Variants in FRK observed in about 807,000 individuals in gnomAD.
FRK encodes the protein fyn related Src family tyrosine kinase.
FRK carries 51 observed loss-of-function variants against 56.4 expected under a neutral mutation model. The observed-to-expected ratio is 0.90, with a 90% CI of 0.72 to 1.14. FRK has a LOEUF of 1.14. Ranked by LOEUF, FRK falls within the 50% of genes most tolerant of loss-of-function variation. The probability of loss-of-function intolerance (pLI) is 0.00; values close to 1 mark genes in which losing one functional copy is unlikely to be tolerated. For missense variants in FRK, 570 were observed against 601.4 expected (o/e 0.95, Z 0.55); for synonymous variants, 245 against 217.9 (o/e 1.12, Z -1.10).
chr6:115,958,647 AG>A (rs1484316838), intron 4 of FRK, among the ~76,000 whole-genome samples: 50 of 2,046 alleles, frequency 0.024, no homozygotes, highest in African/African-American at 0.078. Flanking sequence ...AAGAAAGAAA[AG>A]AAAGAAAGAA....
the FRK span, among the ~76,000 whole-genome samples, chr6:116,087,997 C>T: frequency 2.4e-4 from 37 of 152,304 alleles, no homozygotes; most frequent in African/African-American, 8.9e-4. Flanking sequence ...AGTGGATAAC[C>T]CTCAATCATG....
upstream of FRK, among the ~76,000 whole-genome samples, chr6:116,064,793 A>G (rs1371164211): frequency 1.3e-5 from 2 of 152,180 alleles, no homozygotes; most frequent in Non-Finnish European, 2.9e-5. Context: ...CTTGGAAGAT[A>G]TGACTTGGAA....
chr6:115,978,717 C>T (rs1054266528), intron 2 of FRK, among the ~76,000 whole-genome samples: 3 of 152,082 alleles, frequency 2.0e-5, no homozygotes, highest in Non-Finnish European at 4.4e-5. Flanking sequence ...CATTGTGCTA[C>T]CACTTGTAGC....
At chr6:116,048,664 G>A (rs1364011456) in intron 1 of FRK, among the ~76,000 whole-genome samples, 2 of 152,108 alleles carry the variant, frequency 1.3e-5, no homozygotes, top group Non-Finnish European at 2.9e-5. Flanking sequence ...GGGATCACAG[G>A]CATGAGCCAC....
intron 1 of FRK, among the ~76,000 whole-genome samples, chr6:116,050,305 A>G (rs1248126028): frequency 6.6e-6 from 1 of 152,204 alleles, no homozygotes; most frequent in Non-Finnish European, 1.5e-5. Context: ...ATCCTAAAAA[A>G]TGACCAAACA....
At chr6:116,081,483 C>A in the FRK span, among the ~76,000 whole-genome samples, 1 of 151,960 alleles carries the variant, frequency 6.6e-6, no homozygotes, top group Non-Finnish European at 1.5e-5. Flanking sequence ...ATGGTGAAAA[C>A]CCTGTCTCTA....
At chr6:116,025,618 T>C (rs1776058231) in intron 1 of FRK, among the ~76,000 whole-genome samples, 2 of 152,182 alleles carry the variant, frequency 1.3e-5, no homozygotes, top group Admixed American at 6.6e-5. Flanking sequence ...TCTTGTCATT[T>C]TGACCTTTTA....
upstream of FRK, among the ~76,000 whole-genome samples, chr6:116,062,448 C>T (rs772656652): frequency 3.5e-5 from 5 of 143,852 alleles, no homozygotes; most frequent in Non-Finnish European, 7.5e-5. Context: ...GAGACATCTA[C>T]ATGATCTAAA....
At chr6:115,955,868 C>T (rs1279190528) in intron 5 of FRK, among the ~76,000 whole-genome samples, 1 of 152,128 alleles carries the variant, frequency 6.6e-6, no homozygotes, top group African/African-American at 2.4e-5. Context: ...TAATAAACAT[C>T]AAAATTTCAT....
intron 1 of FRK, among the ~76,000 whole-genome samples, chr6:116,016,186 G>C (rs1028071348): frequency 2.6e-5 from 4 of 152,128 alleles, no homozygotes; most frequent in Non-Finnish European, 5.9e-5. Flanking sequence ...CTGGGTACAG[G>C]GTCCTGCTGC....
At chr6:116,056,015 T>C (rs763684925) in intron 1 of FRK, among the ~76,000 whole-genome samples, 3 of 152,136 alleles carry the variant, frequency 2.0e-5, no homozygotes, top group Non-Finnish European at 4.4e-5. Flanking sequence ...CGTGGTCAAG[T>C]TGGCGAAGCA....
chr6:116,086,373 C>G, the FRK span, among the ~76,000 whole-genome samples: 24 of 152,098 alleles, frequency 1.6e-4, no homozygotes, highest in African/African-American at 5.8e-4. Context: ...AACCTAAGTT[C>G]CTAAAATAAG....
chr6:116,087,828 C>T, the FRK span, among the ~76,000 whole-genome samples: 1 of 152,234 alleles, frequency 6.6e-6, no homozygotes, highest in Non-Finnish European at 1.5e-5. Context: ...TTGATTTCAA[C>T]CACAGCTCAT....
chr6:115,951,244 A>C (rs1483814255), intron 5 of FRK, among the ~76,000 whole-genome samples: 1 of 152,196 alleles, frequency 6.6e-6, no homozygotes, highest in Admixed American at 6.5e-5. Context: ...GCCTGTCACA[A>C]GGTACTACAG....
chr6:116,013,289 T>A (rs948421503), intron 1 of FRK, among the ~76,000 whole-genome samples: 1 of 152,166 alleles, frequency 6.6e-6, no homozygotes, highest in South Asian at 2.1e-4. Flanking sequence ...ACAAAGTTCA[T>A]ATAAATATTC....
chr6:116,060,950 C>T (rs1256796640), upstream of FRK, among the ~76,000 whole-genome samples: 1 of 152,180 alleles, frequency 6.6e-6, no homozygotes, highest in Non-Finnish European at 1.5e-5. Context: ...GTATTCTGAC[C>T]TCTTTACCCC....
intron 2 of FRK, among the ~76,000 whole-genome samples, chr6:115,996,950 A>G (rs1275069935): frequency 6.6e-6 from 1 of 152,220 alleles, no homozygotes; most frequent in African/African-American, 2.4e-5. Context: ...TACTTTTTGA[A>G]TTGCCTTTAG....
intron 1 of FRK, among the ~76,000 whole-genome samples, chr6:116,020,843 T>C (rs1775849943): frequency 6.6e-6 from 1 of 152,150 alleles, no homozygotes; most frequent in Non-Finnish European, 1.5e-5. Context: ...GTAGAGACAA[T>C]AGTATAACCA....
At chr6:116,041,072 C>T (rs542605316) in intron 1 of FRK, among the ~76,000 whole-genome samples, 148 of 152,178 alleles carry the variant, frequency 9.7e-4, no homozygotes, top group African/African-American at 3.4e-3. Flanking sequence ...ATCATTTTCC[C>T]GGGACCTACT....
Sources: gnomAD v4.1 joint callset for allele counts (sites outside exome capture counted in the v4.1 genomes callset) on GRCh38, gnomAD v4.1.1 for gene constraint, MANE v1.5 for transcripts, NCBI Gene and HGNC (gene_info 2026-07-23, HGNC 2026-07-21) for gene names.